Variants in EGFL8 observed in about 807,000 individuals in gnomAD.
The protein encoded by EGFL8 is EGF like domain multiple 8, also known as epidermal growth factor-like protein 8.
A neutral mutation model predicts 39.4 loss-of-function variants in EGFL8; 32 were observed. The ratio of observed to expected loss-of-function variants is 0.81; its 90% CI spans 0.61 to 1.09. The LOEUF (loss-of-function observed/expected upper bound fraction) is 1.09, where lower values mean the gene tolerates loss of function less well. Ranked by LOEUF, EGFL8 falls within the 50% of genes least tolerant of loss-of-function variation. The pLI, the probability that EGFL8 is intolerant of heterozygous loss-of-function variation, is 0.00. For missense variants in EGFL8, 385 were observed against 402.2 expected, an observed-to-expected ratio of 0.96 and a Z score of 0.37; for synonymous variants, 177 against 168.5, an observed-to-expected ratio of 1.05 and a Z score of -0.39.
Position 32,167,404 on chromosome 6 carries a change from G to A in EGFL8, c.656G>A (p.Arg219Gln), listed in dbSNP as rs138835391. 3.2e-5 allele frequency: 51 copies of A among 1,612,950 alleles called. No homozygotes were observed. The highest frequency in any genetic ancestry group is 4.4e-5 in the South Asian group (4 of 91,094). The change falls in exon 7 of 9, where the codon CGA (arginine) becomes CAA (glutamine). Residue 219 changes from arginine (R) to glutamine (Q), a missense_variant. Transcript: ENST00000333845. This position sits in a 1 kb window ranked among gnomAD's most constrained non-coding sequence, Gnocchi z 6.4. ...CTGAAGCAGGAGATTCACGAGCTGC[G>A]AGGGCGCCTGGAGCGGCTGGAGCAG... is the stretch of plus-strand genomic sequence containing the variant. ...RALKQEIHEL[R>Q]GRLERLEQWA...
chr6:32,167,055 T>C lies in EGFL8; in HGVS notation c.431-32T>C, dbSNP rs772779352. 2.5e-6 allele frequency: 4 copies of C among 1,611,006 alleles called. No homozygotes were observed. The highest frequency in any genetic ancestry group is 3.4e-6 in the Non-Finnish European group (4 of 1,178,284). ...TACCCAGGTGCTTGCCCCCGCCCCC[T>C]CTCTCAGCCCCTTCCTTTTTTCGGT... is the stretch of plus-strand genomic sequence containing the variant. On this transcript the variant is annotated intron_variant, in intron 5 of 8. Coordinates refer to ENST00000333845, the MANE Select transcript of EGFL8 (RefSeq NM_030652.4). The surrounding 1 kb of genome is among the most constrained non-coding windows in gnomAD (Gnocchi z 6.4).
chr6:32,167,182 C>T lies in EGFL8; in HGVS notation c.526C>T (p.Leu176=). 6.2e-7 allele frequency: 1 copy of T among 1,613,054 alleles called. No homozygotes were observed. The highest frequency in any genetic ancestry group is 8.5e-7 in the Non-Finnish European group (1 of 1,180,032). ...FTCGCPHDLV[L]GVDGRTCMEG... ...CTGCGGCTGCCCCCATGACCTAGTG[C>T]TAGGCGTGGACGGGCGCACCTGCAT... The change falls in exon 6 of 9, where the codon CTA becomes TTA. Residue 176 remains leucine (L), a synonymous_variant. Coordinates refer to ENST00000333845, the MANE Select transcript of EGFL8 (RefSeq NM_030652.4). This position sits in a 1 kb window ranked among gnomAD's most constrained non-coding sequence, Gnocchi z 6.4.
chr6:32,165,937 A>G lies in EGFL8; in HGVS notation c.-28-201A>G. On this transcript the variant is annotated intron_variant, in intron 1 of 8. Transcript: ENST00000333845. ...GTGTGCTGGGGTGTGAGCTTTTATG[A>G]TGCTGAAAGGATCATGATATGCTAA... 4 of 602,062 alleles carry G rather than the reference A, an allele frequency of 6.6e-6. No homozygotes were observed. The South Asian group carries it at 7.9e-5, about 12-fold the overall frequency. 37.3% of individuals were successfully genotyped at this position (602,062 alleles called of 1,614,324 possible). A position where few individuals can be genotyped will look rare whatever the true frequency, so the allele number is the denominator to read the frequency against.
chr6:32,166,101 A>AG lies in EGFL8; in HGVS notation c.-28-33dup, dbSNP rs749036130. 6.6e-7 allele frequency: 1 copy of AG among 1,520,766 alleles called. No individual in the cohort carries two copies. Among genetic ancestry groups the AG allele is most frequent in the African/African-American group, 1.4e-5 (1 of 73,128 alleles). 94.2% of individuals were successfully genotyped at this position (1,520,766 alleles called of 1,614,324 possible). ...CTAGTGCTGGAGAAATTAATAGGAGAGGGGACGGGCATCCATTAACCTTTT... is the reference window on the plus strand; with the variant it reads ...CTAGTGCTGGAGAAATTAATAGGAGAGGGGGACGGGCATCCATTAACCTTTT... On this transcript the variant is annotated intron_variant, in intron 1 of 8. Transcript: ENST00000333845. The surrounding 1 kb of genome is among the most constrained non-coding windows in gnomAD (Gnocchi z 7.3).
rs549541405 is a variant in EGFL8, at chr6:32,166,874, C to G, written c.335-36C>G. ...CCACGGAGCTGGGGAGCTGGGTCGTCGGTTTGAGTCTGAACCCCACTTCCT... is the reference window on the plus strand; with the variant it reads ...CCACGGAGCTGGGGAGCTGGGTCGTGGGTTTGAGTCTGAACCCCACTTCCT... On this transcript the variant is annotated intron_variant, in intron 4 of 8. Transcript: ENST00000333845. The surrounding 1 kb of genome is among the most constrained non-coding windows in gnomAD (Gnocchi z 7.3). 2 of 1,590,048 alleles carry G rather than the reference C, an allele frequency of 1.3e-6. No homozygotes were observed. Among genetic ancestry groups the G allele is most frequent in the East Asian group, 4.5e-5 (2 of 44,616 alleles).
Position 32,167,161 on chromosome 6 carries a change from G to T in EGFL8, c.505G>T (p.Gly169Cys). 1 of 1,613,044 alleles carries T rather than the reference G, an allele frequency of 6.2e-7. No individual in the cohort carries two copies. The highest frequency in any genetic ancestry group is 8.5e-7 in the Non-Finnish European group (1 of 1,180,044). Residue 169 changes from glycine (G) to cysteine (C), a missense_variant, in exon 6 of 9, where the codon GGC becomes TGC. Physicochemically the swap from Gly to Cys is radical, Grantham distance 159 (BLOSUM62 -3). Transcript: ENST00000333845. The surrounding 1 kb of genome is among the most constrained non-coding windows in gnomAD (Gnocchi z 6.4). ...TAATACGGCAGGCAGCTTCACCTGC[G>T]GCTGCCCCCATGACCTAGTGCTAGG... ...CFNTAGSFTC[G>C]CPHDLVLGVD...
chr6:32,166,868 G>C lies in EGFL8; in HGVS notation c.335-42G>C. On this transcript the variant is annotated intron_variant, in intron 4 of 8. Coordinates refer to ENST00000333845, the MANE Select transcript of EGFL8 (RefSeq NM_030652.4). The surrounding 1 kb of genome is among the most constrained non-coding windows in gnomAD (Gnocchi z 7.3). ...CGCGCCCCACGGAGCTGGGGAGCTG[G>C]GTCGTCGGTTTGAGTCTGAACCCCA... 1.3e-6 allele frequency: 2 copies of C among 1,588,278 alleles called. No individual in the cohort carries two copies. Among genetic ancestry groups the C allele is most frequent in the Non-Finnish European group, 1.7e-6 (2 of 1,165,258 alleles).
Position 32,166,407 on chromosome 6 carries a change from C to T in EGFL8, c.102-91C>T. 6.2e-7 allele frequency: 1 copy of T among 1,604,150 alleles called. No individual in the cohort carries two copies. The highest frequency in any genetic ancestry group is 8.5e-7 in the Non-Finnish European group (1 of 1,173,192). On this transcript the variant is annotated intron_variant, in intron 2 of 8. Transcript: ENST00000333845. The surrounding 1 kb of genome is among the most constrained non-coding windows in gnomAD (Gnocchi z 7.3). ...GTCATCTGGAGGGAGAGCGGGGGGC[C>T]TCAGTAGCCTCTTGAGGGAAGTGGG...
chr6:32,167,315 G>A lies in EGFL8; in HGVS notation c.602-35G>A. The A allele has an allele frequency of 6.2e-7, 1 of 1,612,916 alleles. No individual in the cohort carries two copies. Among genetic ancestry groups the A allele is most frequent in the South Asian group, 1.1e-5 (1 of 91,084 alleles). ...ACTCGGGACGGGCGTCCGGGCTCGG[G>A]TAGTGGTCACACTCTTGGTCTCCTT... On this transcript the variant is annotated intron_variant, in intron 6 of 8. Coordinates refer to ENST00000333845, the MANE Select transcript of EGFL8 (RefSeq NM_030652.4). The surrounding 1 kb of genome is among the most constrained non-coding windows in gnomAD (Gnocchi z 6.4).
In EGFL8 at chr6:32,167,464, C is replaced by T. The variant is rs767083952; in HGVS notation, c.681+35C>T. On this transcript the variant is annotated intron_variant, in intron 7 of 8. Transcript: ENST00000333845. The surrounding 1 kb of genome is among the most constrained non-coding windows in gnomAD (Gnocchi z 6.4). ...GCCTGCTGGGTGGGGCGAGGCCAGA[C>T]GTCACTGTCAATACCCTGAGGCATC... The T allele has an allele frequency of 2.5e-5, 41 of 1,611,442 alleles. 1 individual carries two copies. Among genetic ancestry groups the T allele is most frequent in the Admixed American group, 1.7e-4 (10 of 60,004 alleles).
rs1228323723 is a variant in EGFL8 at position 32,166,505 on chromosome 6, G to A, written c.109G>A (p.Val37Ile). The A allele has an allele frequency of 6.2e-7, 1 of 1,613,608 alleles. No individual in the cohort carries two copies. Among genetic ancestry groups the A allele is most frequent in the African/African-American group, 1.3e-5 (1 of 75,038 alleles). ...CCTCTGGCATGGACGCAGTCAGGGAGTCTGCTCCAAGCAGACACTGGTGGT... is the reference window on the plus strand; with the variant it reads ...CCTCTGGCATGGACGCAGTCAGGGAATCTGCTCCAAGCAGACACTGGTGGT... Reference protein sequence around the residue: ...KGGSLRESQGVCSKQTLVVPL... With the variant: ...KGGSLRESQGICSKQTLVVPL... Residue 37 changes from valine (V) to isoleucine (I), a missense_variant, in exon 3 of 9, where the codon GTC becomes ATC. Transcript: ENST00000333845. This position sits in a 1 kb window ranked among gnomAD's most constrained non-coding sequence, Gnocchi z 7.3.
chr6:32,167,278 G>A lies in EGFL8; in HGVS notation c.601+21G>A, dbSNP rs775443681. ...GGCCGGTGAGTGGGCAGGAGTACGG[G>A]CCACCCGAGGGACTCGGGACGGGCG... On this transcript the variant is annotated intron_variant, in intron 6 of 8. Coordinates refer to ENST00000333845, the MANE Select transcript of EGFL8 (RefSeq NM_030652.4). The surrounding 1 kb of genome is among the most constrained non-coding windows in gnomAD (Gnocchi z 6.4). The A allele has an allele frequency of 1.3e-5, 19 of 1,430,868 alleles. No individual in the cohort carries two copies. The highest frequency in any genetic ancestry group is 1.8e-5 in the Non-Finnish European group (19 of 1,037,074). The allele number at this position is 1,430,868 out of a possible 1,614,324, so 88.6% of individuals were successfully genotyped here.
rs1561837018 is a variant in EGFL8 at position 32,167,355 on chromosome 6, G to A, written c.607G>A (p.Glu203Lys). ...SASILSVAVR[E>K]AEKDERALKQ... Reference sequence around the variant, plus strand: ...TTGGTCTCCTTTGTCCCTAGTTCGGGAGGCGGAAAAAGATGAGCGCGCTCT... The same window carrying A: ...TTGGTCTCCTTTGTCCCTAGTTCGGAAGGCGGAAAAAGATGAGCGCGCTCT... Residue 203 changes from glutamate to lysine, a missense_variant, in exon 7 of 9, where the codon GAG (glutamate) becomes AAG (lysine). Coordinates refer to ENST00000333845, the MANE Select transcript of EGFL8 (RefSeq NM_030652.4). The surrounding 1 kb of genome is among the most constrained non-coding windows in gnomAD (Gnocchi z 6.4). The A allele has an allele frequency of 6.2e-7, 1 of 1,613,090 alleles. No individual in the cohort carries two copies. The highest frequency in any genetic ancestry group is 1.1e-5 in the South Asian group (1 of 91,090).
At chr6:32,165,970 A>G in intron 1 of EGFL8, 168 bp from the exon 2 acceptor site, 1 of 632,364 alleles carries the variant, frequency 1.6e-6, no homozygotes, top group Non-Finnish European at 2.9e-6. Flanking sequence ...TAAGGACAGG[A>G]TAGTGTTGGG....
chr6:32,164,844 G>A lies in EGFL8; in HGVS notation c.-29+187G>A, dbSNP rs1784374683. Among the ~76,000 whole-genome samples, 1 of 152,076 alleles carries A rather than the reference G, an allele frequency of 6.6e-6. No individual in the cohort carries two copies. The highest frequency in any genetic ancestry group is 1.5e-5 in the Non-Finnish European group (1 of 67,996). On this transcript the variant is annotated intron_variant, in intron 1 of 8. Transcript: ENST00000333845. This position sits in a 1 kb window ranked among gnomAD's most constrained non-coding sequence, Gnocchi z 5.4. ...GGAGTAGCAGTGTGTGAAAGGTGTG[G>A]AGTTTCCAGGTGCTTGGTTTGTGTG...
In EGFL8 at chr6:32,167,593, C is replaced by CG. The variant is rs1238728247; in HGVS notation, c.776dup (p.Asp260Ter). 6.2e-7 allele frequency: 1 copy of CG among 1,610,992 alleles called. No homozygotes were observed. The highest frequency in any genetic ancestry group is 8.5e-7 in the Non-Finnish European group (1 of 1,179,956). On this transcript the variant is annotated frameshift_variant, in exon 8 of 9. Coordinates refer to ENST00000333845, the MANE Select transcript of EGFL8 (RefSeq NM_030652.4). LOFTEE classifies it high-confidence loss of function. The surrounding 1 kb of genome is among the most constrained non-coding windows in gnomAD (Gnocchi z 6.4). ...AGAACAGGTGGCTGAGCTGTGGGGC[C>CG]GGGGTGACCGGATCGAATCTCTCAG...
chr6:32,166,871 C>T lies in EGFL8; in HGVS notation c.335-39C>T, dbSNP rs372390354. 1,061 of 1,588,880 alleles carry T rather than the reference C, an allele frequency of 6.7e-4. No homozygotes were observed. Among genetic ancestry groups the T allele is most frequent in the Non-Finnish European group, 8.7e-4 (1,015 of 1,165,890 alleles). Reference sequence around the variant, plus strand: ...GCCCCACGGAGCTGGGGAGCTGGGTCGTCGGTTTGAGTCTGAACCCCACTT... The same window carrying T: ...GCCCCACGGAGCTGGGGAGCTGGGTTGTCGGTTTGAGTCTGAACCCCACTT... On this transcript the variant is annotated intron_variant, in intron 4 of 8. Transcript: ENST00000333845. This position sits in a 1 kb window ranked among gnomAD's most constrained non-coding sequence, Gnocchi z 7.3.
At position 32,166,075 on chromosome 6, in the gene EGFL8, A is replaced by G. The variant is rs1224726854; in HGVS notation, c.-28-63A>G. On this transcript the variant is annotated intron_variant, in intron 1 of 8. Coordinates refer to ENST00000333845, the MANE Select transcript of EGFL8 (RefSeq NM_030652.4). The surrounding 1 kb of genome is among the most constrained non-coding windows in gnomAD (Gnocchi z 7.3). ...GTACCTGCAGAGTGCCCTTGGAGGG[A>G]CTAGTGCTGGAGAAATTAATAGGAG... The G allele has an allele frequency of 6.2e-6, 8 of 1,296,772 alleles. No individual in the cohort carries two copies. In the East Asian group the frequency reaches 1.9e-4, roughly 31 times the overall value. 80.3% of individuals were successfully genotyped at this position (1,296,772 alleles called of 1,614,324 possible).
In EGFL8 at chr6:32,167,327, C is replaced by T; in HGVS notation, c.602-23C>T. On this transcript the variant is annotated intron_variant, in intron 6 of 8. Transcript: ENST00000333845. This position sits in a 1 kb window ranked among gnomAD's most constrained non-coding sequence, Gnocchi z 6.4. The stretch of plus-strand genomic sequence containing the variant: ...CGTCCGGGCTCGGGTAGTGGTCACA[C>T]TCTTGGTCTCCTTTGTCCCTAGTTC... 1 of 1,612,996 alleles carries T rather than the reference C, an allele frequency of 6.2e-7. No homozygotes were observed. The highest frequency in any genetic ancestry group is 8.5e-7 in the Non-Finnish European group (1 of 1,180,014).
Sources: gnomAD v4.1 joint callset for allele counts (sites outside exome capture counted in the v4.1 genomes callset) on GRCh38, gnomAD v4.1.1 for gene constraint, Gnocchi (gnomAD v3.1) non-coding constraint, MANE v1.5 for transcripts, NCBI Gene and HGNC (gene_info 2026-07-23, HGNC 2026-07-21) for gene names.